ULK2: variants seen among roughly 807,000 people sequenced by gnomAD.
The protein encoded by ULK2 is serine/threonine-protein kinase ULK2.
A neutral mutation model predicts 127.5 loss-of-function variants in ULK2; 76 were observed. The ratio of observed to expected loss-of-function variants is 0.60; its 90% CI spans 0.50 to 0.72. ULK2 has a LOEUF of 0.72. ULK2 is among the 30% of genes least tolerant of loss of function. ULK2 has a pLI of 0.00. For synonymous variants in ULK2, 452 were observed against 461.9 expected (o/e 0.98, Z 0.28); for missense variants, 1,144 against 1,295.9 (o/e 0.88, Z 1.80).
At position 19,826,121 on chromosome 17, in the gene ULK2, C is replaced by CA. The variant is rs760136682; in HGVS notation, c.835+17dup. On this transcript the variant is annotated intron_variant, in intron 11 of 26. Transcript: ENST00000395544. The stretch of plus-strand genomic sequence containing the variant: ...TGCATTCATTCTTTAAGTGAAAATA[C>CA]AAAAAATGGATACTCACATTTTTTT... The CA allele has an allele frequency of 2.8e-6, 4 of 1,407,800 alleles. No individual in the cohort carries two copies. In the Admixed American group the frequency reaches 6.8e-5, roughly 24 times the overall value. The allele number at this position is 1,407,800 out of a possible 1,614,324, so 87.2% of individuals were successfully genotyped here. A position where few individuals can be genotyped will look rare whatever the true frequency, so the allele number is the denominator to read the frequency against.
At position 19,865,845 on chromosome 17, in the gene ULK2, G is replaced by C. The variant is rs757489957; in HGVS notation, c.91-17C>G. On this transcript the variant is annotated splice_polypyrimidine_tract_variant and intron_variant, in intron 1 of 26. Transcript: ENST00000395544. ...ATCAGTTTTCTGAAAAGGAAAAACAGTGTTACTCCTAGATACCATTCCACA... is the reference window on the plus strand; with the variant it reads ...ATCAGTTTTCTGAAAAGGAAAAACACTGTTACTCCTAGATACCATTCCACA... 2 of 1,435,790 alleles carry C rather than the reference G, an allele frequency of 1.4e-6. No individual in the cohort carries two copies. Among genetic ancestry groups the C allele is most frequent in the Non-Finnish European group, 1.9e-6 (2 of 1,032,196 alleles). The allele number at this position is 1,435,790 out of a possible 1,614,324, so 88.9% of individuals were successfully genotyped here.
chr17:19,807,433 GA>G (rs1300790949), intron 14 of ULK2, among the ~76,000 whole-genome samples: 1 of 152,192 alleles, frequency 6.6e-6, no homozygotes, highest in Non-Finnish European at 1.5e-5. Flanking sequence ...ACCAGTCTTA[GA>G]ATTCTGATAT....
At chr17:19,853,732 C>T (rs540201464) in intron 3 of ULK2, among the ~76,000 whole-genome samples, 4 of 151,962 alleles carry the variant, frequency 2.6e-5, no homozygotes, top group Non-Finnish European at 5.9e-5. Flanking sequence ...CCACCACTCC[C>T]GGCTAATTTT....
At position 19,772,184 on chromosome 17, in the gene ULK2, T is replaced by C. The variant is rs1333130374; in HGVS notation, c.*4165A>G. 2 of 152,278 alleles carry C rather than the reference T, an allele frequency of 1.3e-5. No individual in the cohort carries two copies. The highest frequency in any genetic ancestry group is 2.1e-4 in the South Asian group (1 of 4,836). 9.4% of individuals were successfully genotyped at this position (152,278 alleles called of 1,614,324 possible). A position where few individuals can be genotyped will look rare whatever the true frequency, so the allele number is the denominator to read the frequency against. ...CCTCTGCTCCTTTCCCTAGTACAGT[T>C]TGATCTCTGAATTCACTTTGATCTT... On this transcript the variant is annotated 3_prime_UTR_variant, in exon 27 of 27. Transcript: ENST00000395544.
intron 22 of ULK2, 139 bp from the exon 23 acceptor site, chr17:19,782,206 A>G (rs2086934461): frequency 2.1e-6 from 2 of 958,874 alleles, no homozygotes; most frequent in South Asian, 1.8e-5. Context: ...TGAAATTTTT[A>G]AATTTCAGAA....
In ULK2 at chr17:19,786,023, G is replaced by A. The variant is rs1330452858; in HGVS notation, c.2165C>T (p.Ala722Val). The A allele has an allele frequency of 1.3e-6, 2 of 1,577,086 alleles. No homozygotes were observed. The highest frequency in any genetic ancestry group is 2.8e-5 in the African/African-American group (2 of 71,676). ...AGGAGACCCTACAGTGAAGAGGACA[G>A]CCTTGGAACTTGCTGCTGTACCTGC... is the stretch of plus-strand genomic sequence containing the variant. ...PPAGTAASSK[A>V]VLFTVGSPPH... Residue 722 changes from alanine (A) to valine (V), a missense_variant, in exon 21 of 27, where the codon GCT becomes GTT. By Grantham distance (64) the Ala-to-Val change is moderately conservative. Coordinates refer to ENST00000395544, the MANE Select transcript of ULK2 (RefSeq NM_014683.4).
intron 25 of ULK2, 84 bp downstream of exon 25, chr17:19,780,388 G>A: frequency 8.8e-6 from 11 of 1,251,290 alleles, no homozygotes; most frequent in South Asian, 2.0e-5. Flanking sequence ...TCTTTTAAAA[G>A]GATAGCTGTC....
At chr17:19,832,020 A>T (rs1009902267) in intron 10 of ULK2, among the ~76,000 whole-genome samples, 1 of 151,912 alleles carries the variant, frequency 6.6e-6, no homozygotes, top group Admixed American at 6.6e-5. Flanking sequence ...GCTACTCTGG[A>T]GGCTGAAGCA....
chr17:19,862,107 TC>T lies in ULK2; in HGVS notation c.225+2695del, dbSNP rs550604976. On this transcript the variant is annotated intron_variant, in intron 3 of 26. Transcript: ENST00000395544. ...TTAAACATCCTTTTTCTTTTTTTTT[TC>T]CCCCCCGAGATGGAGTCTGGCTCTG... Among the ~76,000 whole-genome samples, 8 of 150,836 alleles carry T rather than the reference TC, an allele frequency of 5.3e-5. No homozygotes were observed. In the East Asian group the frequency reaches 5.8e-4, roughly 11 times the overall value.
At chr17:19,844,963 G>C (rs1048184833) in intron 7 of ULK2, among the ~76,000 whole-genome samples, 1 of 152,132 alleles carries the variant, frequency 6.6e-6, no homozygotes, top group African/African-American at 2.4e-5. Context: ...AGCTGAAGAA[G>C]TGCTCCCAGA....
At chr17:19,783,343 C>CG (rs1355394905) in intron 22 of ULK2, among the ~76,000 whole-genome samples, 4 of 151,528 alleles carry the variant, frequency 2.6e-5, no homozygotes, top group South Asian at 2.1e-4. Flanking sequence ...CCCAGCTACT[C>CG]GTGGGGGCTG....
At position 19,801,636 on chromosome 17, in the gene ULK2, A is replaced by G. The variant is rs118115109; in HGVS notation, c.1441+141T>C. On this transcript the variant is annotated intron_variant, in intron 16 of 26. Coordinates refer to ENST00000395544, the MANE Select transcript of ULK2 (RefSeq NM_014683.4). ...AAAAGAGGGAGTTGGGATTGGGGTAAAGATGGAGGGACGGGGTATGGCCTC... is the reference window on the plus strand; with the variant it reads ...AAAAGAGGGAGTTGGGATTGGGGTAGAGATGGAGGGACGGGGTATGGCCTC... 3 of 1,061,028 alleles carry G rather than the reference A, an allele frequency of 2.8e-6. No homozygotes were observed. In the African/African-American group the frequency reaches 4.8e-5, roughly 17 times the overall value. 65.7% of individuals were successfully genotyped at this position (1,061,028 alleles called of 1,614,324 possible).
rs557131921 is a variant in ULK2, at chr17:19,836,524, G to A, written c.787+1977C>T. ...TTGAACCTGGGAGGCTGCAACCTGGGAGCTTGAACCTGGGAAGTTGCAGTG... is the reference window on the plus strand; with the variant it reads ...TTGAACCTGGGAGGCTGCAACCTGGAAGCTTGAACCTGGGAAGTTGCAGTG... On this transcript the variant is annotated intron_variant, in intron 10 of 26. Coordinates refer to ENST00000395544, the MANE Select transcript of ULK2 (RefSeq NM_014683.4). Among the ~76,000 whole-genome samples, 350 of 152,028 alleles carry A rather than the reference G, an allele frequency of 2.3e-3. 1 individual carries two copies. The highest frequency in any genetic ancestry group is 3.5e-3 in the Non-Finnish European group (241 of 67,982).
At chr17:19,850,933 C>T (rs1345452156) in intron 3 of ULK2, among the ~76,000 whole-genome samples, 3 of 152,016 alleles carry the variant, frequency 2.0e-5, no homozygotes, top group East Asian at 3.9e-4. Flanking sequence ...AATCCCAACA[C>T]TTTGGAAGGC....
chr17:19,838,413 T>TA (rs2041650564), intron 10 of ULK2, 88 bp downstream of exon 10: 10 of 1,198,488 alleles, frequency 8.3e-6, no homozygotes, highest in Non-Finnish European at 1.2e-5. Flanking sequence ...AAACTGACTT[T>TA]AATTTTCTGA....
Position 19,804,679 on chromosome 17 carries a change from A to G in ULK2, c.1295+14T>C. 6.4e-7 allele frequency: 1 copy of G among 1,562,858 alleles called. No individual in the cohort carries two copies. The highest frequency in any genetic ancestry group is 1.9e-5 in the Admixed American group (1 of 51,290). ...ATGAAAAAGAATTAAGCAAGAAAAAAGCTACTAACTTACCTTGGAGAACCA... is the reference window on the plus strand; with the variant it reads ...ATGAAAAAGAATTAAGCAAGAAAAAGGCTACTAACTTACCTTGGAGAACCA... On this transcript the variant is annotated intron_variant, in intron 15 of 26. Transcript: ENST00000395544.
chr17:19,805,690 C>A (rs1375840333), intron 14 of ULK2, among the ~76,000 whole-genome samples: 1 of 152,112 alleles, frequency 6.6e-6, no homozygotes, highest in Non-Finnish European at 1.5e-5. Context: ...GAGATATAAG[C>A]AGAAGTCTTC....
chr17:19,796,793 G>A (rs762030249), intron 18 of ULK2, among the ~76,000 whole-genome samples: 9 of 152,156 alleles, frequency 5.9e-5, no homozygotes, highest in Admixed American at 2.6e-4. Flanking sequence ...CAGGGTCTGC[G>A]GGTGAGACCT....
intron 7 of ULK2, 65 bp downstream of exon 7, chr17:19,845,239 A>C: frequency 1.5e-6 from 2 of 1,377,854 alleles, no homozygotes; most frequent in Non-Finnish European, 2.1e-6. Context: ...AGCACGCATT[A>C]TATTTAAATT....
Sources: allele counts gnomAD v4.1 joint callset (sites outside exome capture counted in the v4.1 genomes callset), GRCh38; gene constraint gnomAD v4.1.1; transcripts MANE v1.5; gene names NCBI Gene and HGNC (gene_info 2026-07-23, HGNC 2026-07-21).